STXBP5: variants seen among roughly 807,000 people sequenced by gnomAD.
STXBP5 encodes syntaxin-binding protein 5.
STXBP5 carries 50 observed loss-of-function variants against 152.4 expected under a neutral mutation model. The observed-to-expected ratio is 0.33, with a 90% CI of 0.26 to 0.42. The LOEUF (loss-of-function observed/expected upper bound fraction) is 0.42. STXBP5 is among the 10% of genes least tolerant of loss of function. The pLI, the probability that STXBP5 is intolerant of heterozygous loss-of-function variation, is 1.00. For missense variants in STXBP5, 1,167 were observed against 1,388.6 expected (o/e 0.84, Z 2.54); for synonymous variants, 492 against 494.7 (o/e 0.99, Z 0.07).
At chr6:147,296,870 A>G (rs1781551658) in intron 9 of STXBP5, among the ~76,000 whole-genome samples, 1 of 152,162 alleles carries the variant, frequency 6.6e-6, no homozygotes, top group Non-Finnish European at 1.5e-5. Context: ...CAAAAGAAAG[A>G]ATTTCTGAAT....
intron 19 of STXBP5, among the ~76,000 whole-genome samples, chr6:147,335,733 G>A (rs1205315962): frequency 6.6e-6 from 1 of 151,996 alleles, no homozygotes; most frequent in Non-Finnish European, 1.5e-5. Context: ...CCCAGGGGGC[G>A]GAGCCTGCAG....
rs115996853 is a variant in STXBP5 at position 147,315,874 on chromosome 6, C to G, written c.1623+139C>G. 2.4e-3 allele frequency: 1,725 copies of G among 723,204 alleles called. 26 individuals are homozygous for G. The African/African-American group carries it at 0.028, about 12-fold the overall frequency. 44.8% of individuals were successfully genotyped at this position (723,204 alleles called of 1,614,324 possible). ...CCTTAGTATTTATATTATTATCTCT[C>G]TTTTGTAAAAAACAGCATTTTTTGC... On this transcript the variant is annotated intron_variant, in intron 15 of 27. Transcript: ENST00000321680.
In STXBP5 at chr6:147,335,182, A is replaced by G. The variant is rs1242290645; in HGVS notation, c.2146+960A>G. On this transcript the variant is annotated intron_variant, in intron 19 of 27. Transcript: ENST00000321680. ...TTTAAATTTATTCATTAAACTAATA[A>G]AACATATGGAGGAATTGGTCACATA... 2.6e-5 allele frequency among the ~76,000 whole-genome samples: 4 copies of G among 152,170 alleles called. No individual in the cohort carries two copies. In the East Asian group the frequency reaches 7.7e-4, roughly 29 times the overall value.
chr6:147,295,045 T>C (rs540436204), intron 9 of STXBP5, among the ~76,000 whole-genome samples: 9 of 152,346 alleles, frequency 5.9e-5, no homozygotes, highest in African/African-American at 2.2e-4. Context: ...CCTTTTTACC[T>C]TACCTTAATA....
At position 147,359,168 on chromosome 6, in the gene STXBP5, T is replaced by A. The variant is rs1784947770; in HGVS notation, c.2390T>A (p.Leu797His). The A allele has an allele frequency of 6.2e-7, 1 of 1,614,000 alleles. No homozygotes were observed. The highest frequency in any genetic ancestry group is 1.3e-5 in the African/African-American group (1 of 74,932). ...DKESREAISA[L>H]HFCETFTRKT... ...GAATCCCGAGAAGCGATCTCCGCTC[T>A]TCATTTCTGTGAAACGTTTACTCGA... is the stretch of plus-strand genomic sequence containing the variant. Residue 797 changes from leucine to histidine, a missense_variant, in exon 23 of 28, where the codon CTT (leucine) becomes CAT (histidine). Physicochemically the swap from Leu to His is moderately conservative, Grantham distance 99. This residue lies in a region of STXBP5 where 833 missense variants were observed against 986.3 expected (regional missense o/e 0.84). Coordinates refer to ENST00000321680, the MANE Select transcript of STXBP5 (RefSeq NM_001127715.4).
chr6:147,256,362 A>G (rs1316816292), intron 4 of STXBP5, among the ~76,000 whole-genome samples: 1 of 152,208 alleles, frequency 6.6e-6, no homozygotes, highest in African/African-American at 2.4e-5. Context: ...AGCTGAAAGA[A>G]GTATGTTTTA....
intron 4 of STXBP5, among the ~76,000 whole-genome samples, chr6:147,254,345 A>G (rs1779251093): frequency 6.6e-6 from 1 of 152,372 alleles, no homozygotes; most frequent in Non-Finnish European, 1.5e-5. Context: ...AAACCATAAA[A>G]GAAAACCTAT....
At chr6:147,242,035 G>A (rs1582830278) in intron 4 of STXBP5, among the ~76,000 whole-genome samples, 1 of 152,018 alleles carries the variant, frequency 6.6e-6, no homozygotes, top group Non-Finnish European at 1.5e-5. Context: ...TGTTATCATA[G>A]GAGATGATCA....
At chr6:147,268,405 T>G (rs2115374957) in intron 7 of STXBP5, among the ~76,000 whole-genome samples, 1 of 152,314 alleles carries the variant, frequency 6.6e-6, no homozygotes, top group South Asian at 2.1e-4. Flanking sequence ...CATCATAATC[T>G]TAGTCATAAT....
At chr6:147,209,718 C>G (rs1472148771) in intron 2 of STXBP5, among the ~76,000 whole-genome samples, 1 of 152,104 alleles carries the variant, frequency 6.6e-6, no homozygotes, top group Non-Finnish European at 1.5e-5. Context: ...TGACATTACA[C>G]AAAGTCAGGT....
intron 4 of STXBP5, among the ~76,000 whole-genome samples, chr6:147,240,571 T>C (rs560613893): frequency 6.6e-6 from 1 of 152,324 alleles, no homozygotes; most frequent in Admixed American, 6.5e-5. Flanking sequence ...GGCTACTTTT[T>C]TCCAGTCAAG....
intron 26 of STXBP5, among the ~76,000 whole-genome samples, chr6:147,379,299 C>T (rs1785961061): frequency 6.6e-6 from 1 of 152,014 alleles, no homozygotes; most frequent in South Asian, 2.1e-4. Flanking sequence ...CATTACTCTG[C>T]CTATCACCCA....
chr6:147,363,470 A>G lies in STXBP5; in HGVS notation c.2681A>G (p.Lys894Arg). 2 of 1,614,158 alleles carry G rather than the reference A, an allele frequency of 1.2e-6. No homozygotes were observed. Among genetic ancestry groups the G allele is most frequent in the Non-Finnish European group, 1.7e-6 (2 of 1,180,036 alleles). The change falls in exon 24 of 28, where the codon AAA becomes AGA. Residue 894 changes from lysine (K) to arginine (R), a missense_variant. Physicochemically the swap from Lys to Arg is conservative, Grantham distance 26. Transcript: ENST00000321680. Reference protein sequence around the residue: ...PEEKDEKEKLKKRRPVSVSPS... With the variant: ...PEEKDEKEKLRKRRPVSVSPS... ...GAAAAAGACGAAAAGGAGAAATTGA[A>G]AAAACGGCGGCCTGTCTCAGTATCC...
intron 23 of STXBP5, among the ~76,000 whole-genome samples, chr6:147,361,556 C>T (rs1785068263): frequency 1.3e-5 from 2 of 152,098 alleles, no homozygotes. Context: ...TTCTGTGCTT[C>T]AGAGCCTAAA....
chr6:147,246,339 C>T (rs1196983030), intron 4 of STXBP5, among the ~76,000 whole-genome samples: 1 of 152,124 alleles, frequency 6.6e-6, no homozygotes, highest in South Asian at 2.1e-4. Flanking sequence ...AAGTTTATAA[C>T]TAATGATATG....
At chr6:147,350,760 C>A (rs776541023) in intron 21 of STXBP5, among the ~76,000 whole-genome samples, 1 of 149,152 alleles carries the variant, frequency 6.7e-6, no homozygotes, top group African/African-American at 2.6e-5. Flanking sequence ...TATATCTCAC[C>A]TTATTATTAA....
chr6:147,215,530 G>A (rs540192155), intron 2 of STXBP5, among the ~76,000 whole-genome samples: 3 of 152,084 alleles, frequency 2.0e-5, no homozygotes, highest in East Asian at 1.9e-4. Flanking sequence ...CCAGGTGCAC[G>A]CCACCACGCC....
chr6:147,263,964 T>C (rs1779764939), intron 6 of STXBP5, among the ~76,000 whole-genome samples: 1 of 151,926 alleles, frequency 6.6e-6, no homozygotes, highest in Admixed American at 6.6e-5. Flanking sequence ...TTATACAGGT[T>C]TCTATTTGCC....
rs1211221703 is a variant in STXBP5 at position 147,388,001 on chromosome 6, A to G, written c.*3246A>G. 1 of 151,816 alleles carries G rather than the reference A, an allele frequency of 6.6e-6. No homozygotes were observed. The highest frequency in any genetic ancestry group is 1.5e-5 in the Non-Finnish European group (1 of 67,798). The allele number at this position is 151,816 out of a possible 1,614,324, so 9.4% of individuals were successfully genotyped here. A position where few individuals can be genotyped will look rare whatever the true frequency, so the allele number is the denominator to read the frequency against. On this transcript the variant is annotated 3_prime_UTR_variant, in exon 28 of 28. Transcript: ENST00000321680. ...CTATCTTCCATGTATGTTTTGCTTA[A>G]GGCATTTCTCATGTGACATTAGAAA...
Sources: allele counts gnomAD v4.1 joint callset (sites outside exome capture counted in the v4.1 genomes callset), GRCh38; gene constraint gnomAD v4.1.1; regional missense constraint gnomAD v4.1.1; transcripts MANE v1.5; gene names NCBI Gene and HGNC (gene_info 2026-07-23, HGNC 2026-07-21).